Variants in AFG2A observed in about 807,000 individuals in gnomAD.
The protein encoded by AFG2A is ATPase family gene 2 protein homolog A.
the AFG2A span, among the ~76,000 whole-genome samples, chr4:123,007,429 C>T: frequency 1.3e-5 from 2 of 151,480 alleles, no homozygotes; most frequent in Non-Finnish European, 2.9e-5. Context: ...ACTTTTCCGT[C>T]ACACACAGGG....
the AFG2A span, among the ~76,000 whole-genome samples, chr4:123,255,801 T>C: frequency 6.9e-6 from 1 of 145,848 alleles, no homozygotes; most frequent in Non-Finnish European, 1.5e-5. Context: ...ATTACAGGCG[T>C]GAGCCACCGC....
At chr4:123,238,464 C>T in the AFG2A span, among the ~76,000 whole-genome samples, 3 of 152,122 alleles carry the variant, frequency 2.0e-5, no homozygotes, top group African/African-American at 4.8e-5. Flanking sequence ...TTTCCCTCTG[C>T]GATGAAGTTT....
chr4:123,298,315 A>G, the AFG2A span, among the ~76,000 whole-genome samples: 2 of 152,228 alleles, frequency 1.3e-5, no homozygotes, highest in Non-Finnish European at 2.9e-5. Context: ...GTGAAGCCAA[A>G]GTACGGAGAG....
chr4:123,224,558 A>G, the AFG2A span, among the ~76,000 whole-genome samples: 1 of 152,160 alleles, frequency 6.6e-6, no homozygotes, highest in East Asian at 1.9e-4. Flanking sequence ...TTTTATGGCT[A>G]CATAGTATTC....
At chr4:123,265,780 T>C in the AFG2A span, among the ~76,000 whole-genome samples, 1 of 152,108 alleles carries the variant, frequency 6.6e-6, no homozygotes, top group Non-Finnish European at 1.5e-5. Flanking sequence ...TCCCCAAGGC[T>C]GATATCCAGA....
the AFG2A span, among the ~76,000 whole-genome samples, chr4:123,065,897 A>G: frequency 3.9e-5 from 6 of 152,154 alleles, no homozygotes; most frequent in Non-Finnish European, 8.8e-5. Context: ...GTAACACTAA[A>G]GCTTTATATA....
the AFG2A span, chr4:123,028,148 TG>T: frequency 6.4e-7 from 1 of 1,569,668 alleles, no homozygotes; most frequent in Non-Finnish European, 8.7e-7. Flanking sequence ...CTGTTTGTCC[TG>T]GCAAAACTTA....
chr4:122,990,887 C>A, the AFG2A span, among the ~76,000 whole-genome samples: 8 of 152,352 alleles, frequency 5.3e-5, no homozygotes, highest in African/African-American at 1.9e-4. Context: ...CCATGCTGGA[C>A]CTGTTTTCCC....
At chr4:123,287,506 C>A in the AFG2A span, among the ~76,000 whole-genome samples, 11 of 152,150 alleles carry the variant, frequency 7.2e-5, no homozygotes, top group Non-Finnish European at 1.5e-4. Flanking sequence ...ATTCCACATT[C>A]GGTTAAAAAC....
At chr4:123,174,930 A>G in the AFG2A span, among the ~76,000 whole-genome samples, 3 of 151,936 alleles carry the variant, frequency 2.0e-5, no homozygotes, top group Non-Finnish European at 4.4e-5. Context: ...TCCTGGGCCC[A>G]AGCAATCCTC....
chr4:122,989,100 C>T, the AFG2A span, among the ~76,000 whole-genome samples: 9 of 152,044 alleles, frequency 5.9e-5, no homozygotes, highest in Non-Finnish European at 1.0e-4. Context: ...GTTTATGTAT[C>T]ATCAGTCGTT....
chr4:122,934,018 A>G, the AFG2A span: 2 of 1,401,728 alleles, frequency 1.4e-6, no homozygotes, highest in Non-Finnish European at 1.9e-6. Flanking sequence ...CAGATAATAG[A>G]TGAAATATAT....
the AFG2A span, among the ~76,000 whole-genome samples, chr4:123,203,760 A>G: frequency 6.6e-6 from 1 of 152,246 alleles, no homozygotes. Flanking sequence ...TAGAATAAAG[A>G]GTACAATTGT....
the AFG2A span, among the ~76,000 whole-genome samples, chr4:123,121,254 A>G: frequency 6.4e-5 from 5 of 78,668 alleles, no homozygotes; most frequent in African/African-American, 1.4e-4. Flanking sequence ...AAAGTAAAAA[A>G]AAAAAATAAT....
At chr4:122,967,684 A>G in the AFG2A span, among the ~76,000 whole-genome samples, 1 of 152,048 alleles carries the variant, frequency 6.6e-6, no homozygotes, top group Non-Finnish European at 1.5e-5. Context: ...TTATTTTTTT[A>G]AAGAGGTAGG....
At chr4:123,308,282 A>C in the AFG2A span, among the ~76,000 whole-genome samples, 855 of 152,362 alleles carry the variant, frequency 5.6e-3, 6 homozygotes, top group Middle Eastern at 0.034. Flanking sequence ...CATACATCAC[A>C]GTATTAAACA....
the AFG2A span, among the ~76,000 whole-genome samples, chr4:122,942,893 C>A: frequency 6.6e-6 from 1 of 151,314 alleles, no homozygotes; most frequent in African/African-American, 2.4e-5. Context: ...TCGTTATGTA[C>A]CCAGTAGTCA....
At chr4:123,184,988 A>C in the AFG2A span, among the ~76,000 whole-genome samples, 2 of 152,168 alleles carry the variant, frequency 1.3e-5, no homozygotes, top group African/African-American at 4.8e-5. Context: ...ATTTGGCCAA[A>C]TTATGCTTCA....
the AFG2A span, among the ~76,000 whole-genome samples, chr4:123,055,325 G>A: frequency 5.3e-5 from 8 of 152,050 alleles, no homozygotes; most frequent in Admixed American, 2.0e-4. Flanking sequence ...AATCAACTGA[G>A]GACTAACCTG....
Sources: allele counts gnomAD v4.1 joint callset (sites outside exome capture counted in the v4.1 genomes callset), GRCh38; gene constraint gnomAD v4.1.1; transcripts MANE v1.5; gene names NCBI Gene and HGNC (gene_info 2026-07-23, HGNC 2026-07-21).